SLC71A2: variants seen among roughly 807,000 people sequenced by gnomAD.
SLC71A2 encodes hippocampus abundant transcript-like 1.
chr9:94,388,128 A>G, the SLC71A2 span, among the ~76,000 whole-genome samples: 2 of 98,704 alleles, frequency 2.0e-5, no homozygotes, highest in African/African-American at 8.5e-5. Flanking sequence ...TAGCGTGGTA[A>G]TATGTTCCCT....
chr9:94,450,437 T>C, the SLC71A2 span, among the ~76,000 whole-genome samples: 28 of 151,414 alleles, frequency 1.8e-4, 1 homozygote, highest in East Asian at 5.2e-3. Context: ...TATAATTTAA[T>C]CCCATAATTT....
At chr9:94,430,993 T>C in the SLC71A2 span, among the ~76,000 whole-genome samples, 1 of 152,202 alleles carries the variant, frequency 6.6e-6, no homozygotes, top group South Asian at 2.1e-4. Flanking sequence ...TGCATAATTA[T>C]ACGTTGTACT....
chr9:94,420,259 C>T, the SLC71A2 span, among the ~76,000 whole-genome samples: 3 of 152,168 alleles, frequency 2.0e-5, no homozygotes, highest in Admixed American at 6.6e-5. Context: ...ACTAGTCTTC[C>T]GTGTTTGCCC....
chr9:94,407,546 T>G, the SLC71A2 span, among the ~76,000 whole-genome samples: 1 of 152,156 alleles, frequency 6.6e-6, no homozygotes, highest in African/African-American at 2.4e-5. Flanking sequence ...GCCCGGCTAA[T>G]TTTTGTATTC....
At chr9:94,441,138 G>A in the SLC71A2 span, 1 of 1,135,068 alleles carries the variant, frequency 8.8e-7, no homozygotes, top group Non-Finnish European at 1.3e-6. Context: ...AACCAGAATA[G>A]TAATTAACAT....
At chr9:94,450,493 C>CTTTTTTTTT in the SLC71A2 span, among the ~76,000 whole-genome samples, 6 of 102,018 alleles carry the variant, frequency 5.9e-5, no homozygotes, top group African/African-American at 8.6e-5. Context: ...AATAATGTAA[C>CTTTTTTTTT]TTTTTTTTTT....
At chr9:94,414,561 A>G in the SLC71A2 span, among the ~76,000 whole-genome samples, 3 of 152,214 alleles carry the variant, frequency 2.0e-5, no homozygotes, top group Non-Finnish European at 2.9e-5. Flanking sequence ...TTCGTAAGGG[A>G]CAGAGCAGTC....
At chr9:94,457,918 A>G in the SLC71A2 span, among the ~76,000 whole-genome samples, 1 of 147,582 alleles carries the variant, frequency 6.8e-6, no homozygotes, top group Non-Finnish European at 1.5e-5. Context: ...ATAGGCTGGA[A>G]TACACCTGTG....
At chr9:94,379,287 T>C in the SLC71A2 span, among the ~76,000 whole-genome samples, 1 of 149,386 alleles carries the variant, frequency 6.7e-6, no homozygotes, top group Non-Finnish European at 1.5e-5. Context: ...GGTTGCACCA[T>C]GTTGGCCAGG....
At chr9:94,410,800 C>CT in the SLC71A2 span, among the ~76,000 whole-genome samples, 1 of 152,224 alleles carries the variant, frequency 6.6e-6, no homozygotes, top group Non-Finnish European at 1.5e-5. Context: ...GAGTCTCACT[C>CT]TTTCCCCCAG....
the SLC71A2 span, among the ~76,000 whole-genome samples, chr9:94,443,504 C>T: frequency 4.6e-5 from 7 of 151,928 alleles, no homozygotes; most frequent in South Asian, 4.2e-4. Context: ...TTCAGGGCTA[C>T]GGCAATGATT....
the SLC71A2 span, among the ~76,000 whole-genome samples, chr9:94,435,780 G>A: frequency 1.3e-5 from 2 of 149,748 alleles, no homozygotes; most frequent in Admixed American, 6.7e-5. Flanking sequence ...TTAGCCTCCC[G>A]AGTAGCTGGG....
chr9:94,426,197 A>G, the SLC71A2 span, among the ~76,000 whole-genome samples: 5 of 150,654 alleles, frequency 3.3e-5, no homozygotes, highest in East Asian at 9.9e-4. Context: ...GTCCTTTTTG[A>G]ATCTCATTCC....
At chr9:94,415,941 A>G in the SLC71A2 span, among the ~76,000 whole-genome samples, 12 of 152,300 alleles carry the variant, frequency 7.9e-5, no homozygotes, top group Middle Eastern at 3.4e-3. Flanking sequence ...GAACATAGTA[A>G]ATAGCAGATT....
At chr9:94,458,036 G>A in the SLC71A2 span, among the ~76,000 whole-genome samples, 1 of 152,134 alleles carries the variant, frequency 6.6e-6, no homozygotes, top group Non-Finnish European at 1.5e-5. Flanking sequence ...ACCAGAGCAG[G>A]GAAATCTCAG....
At chr9:94,394,359 C>T in the SLC71A2 span, among the ~76,000 whole-genome samples, 1 of 91,406 alleles carries the variant, frequency 1.1e-5, no homozygotes, top group East Asian at 3.1e-4. Context: ...GGAGAAATTG[C>T]AAAGTCTTCA....
At chr9:94,453,715 G>C in the SLC71A2 span, among the ~76,000 whole-genome samples, 1 of 152,186 alleles carries the variant, frequency 6.6e-6, no homozygotes, top group East Asian at 1.9e-4. Context: ...TGCCAGCAGA[G>C]CACCAGGTAG....
At chr9:94,454,111 T>C in the SLC71A2 span, 20 of 1,405,506 alleles carry the variant, frequency 1.4e-5, no homozygotes, top group Non-Finnish European at 2.0e-5. Context: ...GCCAGACAGA[T>C]GCCTCTTAGA....
the SLC71A2 span, among the ~76,000 whole-genome samples, chr9:94,450,493 C>CTTTTTTTTTTTTTTT: frequency 0.052 from 5,277 of 101,188 alleles, 817 homozygotes; most frequent in South Asian, 0.076. Context: ...AATAATGTAA[C>CTTTTTTTTTTTTTTT]TTTTTTTTTT....
Sources: gnomAD v4.1 joint callset for allele counts (sites outside exome capture counted in the v4.1 genomes callset) on GRCh38, gnomAD v4.1.1 for gene constraint, MANE v1.5 for transcripts, NCBI Gene and HGNC (gene_info 2026-07-23, HGNC 2026-07-21) for gene names.